Variants in FOXN1 observed in about 807,000 individuals in gnomAD.
FOXN1 encodes the protein forkhead box protein N1.
FOXN1 carries 15 observed loss-of-function variants against 49.0 expected under a neutral mutation model. The ratio of observed to expected loss-of-function variants is 0.31; its 90% CI spans 0.20 to 0.47. The LOEUF (loss-of-function observed/expected upper bound fraction) is 0.47, where lower values mean the gene tolerates loss of function less well. FOXN1 is among the 20% of genes least tolerant of loss of function. FOXN1 has a pLI of 1.00. For missense variants in FOXN1, 800 were observed against 842.8 expected (o/e 0.95, Z 0.63); for synonymous variants, 356 against 369.0 (o/e 0.96, Z 0.40).
intron 2 of FOXN1, 92 bp downstream of exon 2, chr17:28,524,184 C>T (rs1385733735): frequency 1.5e-6 from 2 of 1,320,588 alleles, no homozygotes; most frequent in African/African-American, 1.5e-5. Context: ...CCCCAGGGAC[C>T]TCCCAGGGCC....
At chr17:28,520,202 G>A (rs2069611155) in intron 1 of FOXN1, among the ~76,000 whole-genome samples, 1 of 152,160 alleles carries the variant, frequency 6.6e-6, no homozygotes. Context: ...AGCTTCAGGG[G>A]TTCTGCCGGC....
At chr17:28,520,668 G>T (rs1268499309) in intron 1 of FOXN1, among the ~76,000 whole-genome samples, 1 of 152,212 alleles carries the variant, frequency 6.6e-6, no homozygotes, top group Non-Finnish European at 1.5e-5. Context: ...TAAGGCCTCT[G>T]ACATACAGGA....
At chr17:28,530,705 C>G in intron 5 of FOXN1, 44 bp from the exon 6 acceptor site, 1 of 1,125,604 alleles carries the variant, frequency 8.9e-7, no homozygotes. Flanking sequence ...GGGCTCAGGA[C>G]CCAGTCAGAG....
intron 1 of FOXN1, among the ~76,000 whole-genome samples, chr17:28,510,580 GCA>G (rs5819850): frequency 0.25 from 34,826 of 137,776 alleles, 4,527 homozygotes; most frequent in East Asian, 0.38. Context: ...GCACACACAC[GCA>G]CACACACACA....
intron 2 of FOXN1, 117 bp from the exon 3 acceptor site, chr17:28,524,386 G>GT: frequency 1.1e-6 from 1 of 936,164 alleles, no homozygotes; most frequent in South Asian, 1.4e-5. Flanking sequence ...CACCATTTAG[G>GT]GTCTTCCCAG....
At position 28,524,774 on chromosome 17, in the gene FOXN1, A is replaced by T; in HGVS notation, c.395A>T (p.Glu132Val). Residue 132 changes from glutamate to valine, a missense_variant, in exon 3 of 9, where the codon GAG (glutamate) becomes GTG (valine). Glu to Val is a moderately radical substitution (Grantham distance 121, BLOSUM62 -2). Around this residue, in one of 3 missense-constraint regions of FOXN1, gnomAD observed 383 missense variants for 357.9 expected, o/e 1.07. Transcript: ENST00000579795. ...PFHPYKRPFH[E>V]DVFPEAETTL... ...CACCCGTACAAGCGGCCTTTCCATG[A>T]GGACGTCTTCCCAGAGGCCGAGACC... 1 of 1,613,494 alleles carries T rather than the reference A, an allele frequency of 6.2e-7. No individual in the cohort carries two copies. Among genetic ancestry groups the T allele is most frequent in the Non-Finnish European group, 8.5e-7 (1 of 1,179,888 alleles).
At chr17:28,527,204 G>A (rs764151407) in intron 3 of FOXN1, 47 bp from the exon 4 acceptor site, 13 of 1,257,676 alleles carry the variant, frequency 1.0e-5, no homozygotes, top group Admixed American at 8.6e-5. Flanking sequence ...GAAAGAGGAA[G>A]GGAGAAAATA....
At chr17:28,530,423 T>A (rs986393894) in intron 5 of FOXN1, among the ~76,000 whole-genome samples, 1 of 152,146 alleles carries the variant, frequency 6.6e-6, no homozygotes, top group African/African-American at 2.4e-5. Flanking sequence ...ACAGGCACCA[T>A]CCTTAATCCT....
intron 4 of FOXN1, among the ~76,000 whole-genome samples, chr17:28,527,777 C>T (rs1022110804): frequency 6.6e-6 from 1 of 152,186 alleles, no homozygotes; most frequent in African/African-American, 2.4e-5. Context: ...TGCTATGTGA[C>T]CTTGGCCTCC....
At chr17:28,509,580 C>T (rs534719189) in intron 1 of FOXN1, among the ~76,000 whole-genome samples, 2 of 152,222 alleles carry the variant, frequency 1.3e-5, no homozygotes, top group East Asian at 1.9e-4. Flanking sequence ...ATAGACAAAA[C>T]GAGCAGGACA....
chr17:28,534,630 C>A lies in FOXN1; in HGVS notation c.1136-77C>A. 6.2e-7 allele frequency: 1 copy of A among 1,606,114 alleles called. No homozygotes were observed. The highest frequency in any genetic ancestry group is 2.2e-5 in the East Asian group (1 of 44,822). ...AGAATCAGAGAATGAGGCAAGGCCC[C>A]GAGTAAGGGTTCCAGTCTGGGGAAG... On this transcript the variant is annotated intron_variant, in intron 7 of 8. Transcript: ENST00000579795. The surrounding 1 kb of genome is among the most constrained non-coding windows in gnomAD (Gnocchi z 4.1).
intron 4 of FOXN1, among the ~76,000 whole-genome samples, chr17:28,528,454 G>A (rs1391870860): frequency 1.1e-5 from 1 of 91,170 alleles, no homozygotes; most frequent in East Asian, 3.1e-4. Flanking sequence ...GCCACACCCA[G>A]GGCTTTATGG....
intron 1 of FOXN1, among the ~76,000 whole-genome samples, chr17:28,514,464 C>G (rs2069452781): frequency 6.6e-6 from 1 of 152,080 alleles, no homozygotes; most frequent in African/African-American, 2.4e-5. Flanking sequence ...GAGAAAGGAG[C>G]TAGAAACCCC....
Position 28,535,189 on chromosome 17 carries a change from G to A in FOXN1, c.1618G>A (p.Asp540Asn), listed in dbSNP as rs181483148. The A allele has an allele frequency of 2.6e-4, 418 of 1,613,174 alleles. No homozygotes were observed. Among genetic ancestry groups the A allele is most frequent in the Non-Finnish European group, 3.4e-4 (403 of 1,179,964 alleles). Residue 540 changes from aspartate (D) to asparagine (N), a missense_variant, in exon 8 of 9, where the codon GAC becomes AAC. Asp to Asn is a conservative substitution (Grantham distance 23). Around this residue, in one of 3 missense-constraint regions of FOXN1, gnomAD observed 344 missense variants for 366.1 expected, o/e 0.94. Coordinates refer to ENST00000579795, the MANE Select transcript of FOXN1 (RefSeq NM_001369369.1). ...CATCAATCCCTCACTCACTGACTTCGACTTCCAGGGTGAGCTGGGGGTGGG... is the reference window on the plus strand; with the variant it reads ...CATCAATCCCTCACTCACTGACTTCAACTTCCAGGGTGAGCTGGGGGTGGG... Reference protein sequence around the residue: ...DAINPSLTDFDFQGNLWEQLK... With the variant: ...DAINPSLTDFNFQGNLWEQLK...
At chr17:28,510,036 G>A (rs567286297) in intron 1 of FOXN1, among the ~76,000 whole-genome samples, 1 of 152,254 alleles carries the variant, frequency 6.6e-6, no homozygotes, top group Non-Finnish European at 1.5e-5. Context: ...ATGGAGAAAA[G>A]GGAACCTGTG....
rs75466446 is a variant in FOXN1, at chr17:28,516,969, G to A, written c.-14-6987G>A. 4.2e-3 allele frequency among the ~76,000 whole-genome samples: 73 copies of A among 17,304 alleles called. 2 individuals carry two copies. Among genetic ancestry groups the A allele is most frequent in the East Asian group, 9.3e-3 (6 of 648 alleles). The allele number at this position is 17,304 out of a possible 152,430, so 11.4% of individuals were successfully genotyped here. ...ATACCTCCATAGGGTACACACCTCC[G>A]CAGGATCCATACCTCCACAGGGTAC... On this transcript the variant is annotated intron_variant, in intron 1 of 8. Transcript: ENST00000579795.
At chr17:28,524,994 C>T (rs376408772) in intron 3 of FOXN1, 27 bp downstream of exon 3, 15 of 1,524,130 alleles carry the variant, frequency 9.8e-6, no homozygotes, top group African/African-American at 1.4e-5. Context: ...AGCGAGTGTC[C>T]CATCTTCCCA....
At chr17:28,514,049 T>G (rs1212998873) in intron 1 of FOXN1, among the ~76,000 whole-genome samples, 1 of 152,078 alleles carries the variant, frequency 6.6e-6, no homozygotes, top group East Asian at 1.9e-4. Context: ...ACAAGAGGAC[T>G]AAGATTACAA....
In FOXN1 at chr17:28,524,985, G is replaced by C. The variant is rs1466906661; in HGVS notation, c.588+18G>C. ...AAGTCCTGGTGAGTACTAGTGGCCAGCGAGTGTCCCATCTTCCCACTGTCC... is the reference window on the plus strand; with the variant it reads ...AAGTCCTGGTGAGTACTAGTGGCCACCGAGTGTCCCATCTTCCCACTGTCC... On this transcript the variant is annotated intron_variant, in intron 3 of 8. Transcript: ENST00000579795. 7.7e-6 allele frequency: 12 copies of C among 1,565,918 alleles called. No homozygotes were observed. Among genetic ancestry groups the C allele is most frequent in the Non-Finnish European group, 1.0e-5 (12 of 1,144,822 alleles).
Sources: allele counts gnomAD v4.1 joint callset (sites outside exome capture counted in the v4.1 genomes callset), GRCh38; gene constraint gnomAD v4.1.1; regional missense constraint gnomAD v4.1.1; non-coding constraint Gnocchi (gnomAD v3.1); transcripts MANE v1.5; gene names NCBI Gene and HGNC (gene_info 2026-07-23, HGNC 2026-07-21).